SEC23B: variants seen among roughly 807,000 people sequenced by gnomAD.
SEC23B encodes the protein protein transport protein Sec23B.
In SEC23B, 77 loss-of-function variants were observed where a neutral mutation model predicts 104.3. That is an observed-to-expected ratio of 0.74 (90% CI 0.61 to 0.89). SEC23B has a LOEUF of 0.89. Among genes scored for constraint, SEC23B ranks in the 40% least tolerant of loss-of-function variants. The probability of loss-of-function intolerance (pLI) is 0.00; values close to 1 mark genes in which losing one functional copy is unlikely to be tolerated. For synonymous variants in SEC23B, 338 were observed against 332.5 expected (o/e 1.02, Z -0.18); for missense variants, 885 against 949.4 (o/e 0.93, Z 0.89).
chr20:18,545,377 C>T (rs6035068), intron 14 of SEC23B, among the ~76,000 whole-genome samples: 19,018 of 152,218 alleles, frequency 0.12, 1,293 homozygotes, highest in Admixed American at 0.18. Context: ...TCACCTGGCT[C>T]ATGCTGCTAG....
intron 9 of SEC23B, among the ~76,000 whole-genome samples, chr20:18,528,837 T>C (rs1348346915): frequency 6.6e-6 from 1 of 152,236 alleles, no homozygotes; most frequent in East Asian, 1.9e-4. Context: ...GTGTGAATTT[T>C]TTCTGTGAAG....
In SEC23B at chr20:18,526,538, G is replaced by A. The variant is rs149592675; in HGVS notation, c.993+7G>A. On this transcript the variant is annotated splice_region_variant and intron_variant, in intron 8 of 19. Coordinates refer to ENST00000650089, the MANE Select transcript of SEC23B (RefSeq NM_006363.6). ...CATGAAAAAGGCAACCAAGGTAGGTGCTCTTGGGTATGGGCTGTAATTCTG... is the reference window on the plus strand; with the variant it reads ...CATGAAAAAGGCAACCAAGGTAGGTACTCTTGGGTATGGGCTGTAATTCTG... 6 of 1,614,064 alleles carry A rather than the reference G, an allele frequency of 3.7e-6. No individual in the cohort carries two copies. In the East Asian group the frequency reaches 1.3e-4, roughly 36 times the overall value.
At chr20:18,535,219 A>AT (rs1349938389) in intron 11 of SEC23B, among the ~76,000 whole-genome samples, 1 of 141,338 alleles carries the variant, frequency 7.1e-6, no homozygotes, top group Non-Finnish European at 1.5e-5. Context: ...CACACGTAGT[A>AT]TATGTGTAAA....
At chr20:18,509,719 C>G (rs1369526979) in intron 1 of SEC23B, 1 of 152,240 alleles carries the variant, frequency 6.6e-6, no homozygotes. Flanking sequence ...TCCTGAGTAG[C>G]TGGGACTATG....
intron 16 of SEC23B, among the ~76,000 whole-genome samples, chr20:18,549,452 AT>A (rs1437072592): frequency 6.6e-6 from 1 of 152,084 alleles, no homozygotes; most frequent in Non-Finnish European, 1.5e-5. Context: ...ACAGATGCAT[AT>A]TTTTTTCAAA....
chr20:18,515,527 A>G (rs926194951), intron 3 of SEC23B, 123 bp from the exon 4 acceptor site: 12 of 687,250 alleles, frequency 1.7e-5, no homozygotes, highest in African/African-American at 1.2e-4. Flanking sequence ...TGCCCAAGCT[A>G]GTCTGGAGCT....
intron 19 of SEC23B, among the ~76,000 whole-genome samples, chr20:18,560,037 C>G (rs1483023233): frequency 1.4e-5 from 2 of 143,950 alleles, no homozygotes; most frequent in East Asian, 4.0e-4. Context: ...TTTAAATTAC[C>G]TAGAATCATT....
intron 2 of SEC23B, 70 bp downstream of exon 2, chr20:18,511,126 A>G: frequency 2.3e-6 from 3 of 1,305,942 alleles, no homozygotes; most frequent in South Asian, 2.4e-5. Context: ...GATGCTCATA[A>G]AAGTCATTAA....
At chr20:18,522,286 A>G (rs544371354) in intron 4 of SEC23B, among the ~76,000 whole-genome samples, 2 of 152,302 alleles carry the variant, frequency 1.3e-5, no homozygotes, top group East Asian at 1.9e-4. Context: ...TCAGACGCCA[A>G]TGGAATGTGG....
At position 18,535,693 on chromosome 20, in the gene SEC23B, GC is replaced by G; in HGVS notation, c.1357del (p.Leu453Ter). On this transcript the variant is annotated frameshift_variant, in exon 12 of 20. Transcript: ENST00000650089. LOFTEE classifies it high-confidence loss of function. ...VGGTSQWKIC[G>X]LDPTSTLGIY... ...GGCACGAGTCAGTGGAAAATCTGTG[GC>G]CTAGATCCTACATCTACACTTGGCA... 6.2e-7 allele frequency: 1 copy of G among 1,614,064 alleles called. No individual in the cohort carries two copies. The highest frequency in any genetic ancestry group is 8.5e-7 in the Non-Finnish European group (1 of 1,179,992).
intron 7 of SEC23B, 84 bp downstream of exon 7, chr20:18,526,016 T>G: frequency 6.8e-7 from 1 of 1,460,940 alleles, no homozygotes; most frequent in Admixed American, 1.7e-5. Context: ...TGAAAATCAC[T>G]TGTGATCTAA....
intron 4 of SEC23B, among the ~76,000 whole-genome samples, chr20:18,523,258 C>T (rs933562819): frequency 6.6e-6 from 1 of 152,048 alleles, no homozygotes; most frequent in Non-Finnish European, 1.5e-5. Flanking sequence ...GCTAACACTC[C>T]TGCTTGAGGA....
At chr20:18,526,999 T>C (rs886168675) in intron 8 of SEC23B, among the ~76,000 whole-genome samples, 6 of 152,204 alleles carry the variant, frequency 3.9e-5, no homozygotes, top group Non-Finnish European at 7.3e-5. Flanking sequence ...GCGGATCACT[T>C]GAGGTCAGGA....
At chr20:18,539,275 G>T (rs1448575250) in intron 12 of SEC23B, among the ~76,000 whole-genome samples, 1 of 151,190 alleles carries the variant, frequency 6.6e-6, no homozygotes, top group Non-Finnish European at 1.5e-5. Flanking sequence ...GGAGGCCAGG[G>T]CAGGTGGATC....
At chr20:18,510,693 G>C in intron 1 of SEC23B, 129 bp from the exon 2 acceptor site, 1 of 726,750 alleles carries the variant, frequency 1.4e-6, no homozygotes, top group Non-Finnish European at 2.4e-6. Flanking sequence ...TTGAACCCGG[G>C]AGGTGGAGGC....
intron 17 of SEC23B, 119 bp from the exon 18 acceptor site, chr20:18,554,107 CTTGTCATTT>C: frequency 9.0e-7 from 1 of 1,108,592 alleles, no homozygotes; most frequent in South Asian, 1.3e-5. Context: ...CCCTCTGAAG[CTTGTCATTT>C]TTGATATTAG....
At chr20:18,510,012 A>G (rs577421791) in intron 1 of SEC23B, 2 of 152,342 alleles carry the variant, frequency 1.3e-5, no homozygotes, top group African/African-American at 4.8e-5. Context: ...ACTGGTTCCC[A>G]TTATGAACCA....
rs543939955 is a variant in SEC23B at position 18,515,680 on chromosome 20, G to A, written c.310G>A (p.Val104Met). The A allele has an allele frequency of 6.2e-7, 1 of 1,612,082 alleles. No homozygotes were observed. The highest frequency in any genetic ancestry group is 1.1e-5 in the South Asian group (1 of 91,038). The stretch of plus-strand genomic sequence containing the variant: ...TCCAGCTTATGGAGGCATATCTGAG[G>A]TGAATCAACCTGCCGAATTGATGCC... ...FPPAYGGISEVNQPAELMPQF... is the reference protein window; with the variant it reads ...FPPAYGGISEMNQPAELMPQF... The change falls in exon 4 of 20, where the codon GTG (valine) becomes ATG (methionine). Residue 104 changes from valine to methionine, a missense_variant. Transcript: ENST00000650089.
intron 4 of SEC23B, among the ~76,000 whole-genome samples, chr20:18,520,743 G>A (rs1321750949): frequency 6.6e-6 from 1 of 151,986 alleles, no homozygotes; most frequent in African/African-American, 2.4e-5. Context: ...ATGTGGAGTG[G>A]GTAGCCTCTG....
Sources: allele counts gnomAD v4.1 joint callset (sites outside exome capture counted in the v4.1 genomes callset), GRCh38; gene constraint gnomAD v4.1.1; transcripts MANE v1.5; gene names NCBI Gene and HGNC (gene_info 2026-07-23, HGNC 2026-07-21).